The following ZNF761 variants were observed in gnomAD, a reference collection of about 807,000 sequenced individuals.
ZNF761 encodes zinc finger protein 761.
ZNF761 carries 43 observed loss-of-function variants against 59.9 expected under a neutral mutation model. The observed-to-expected ratio is 0.72, with a 90% CI of 0.56 to 0.92. ZNF761 has a LOEUF of 0.92. ZNF761 is among the 40% of genes least tolerant of loss of function. ZNF761 has a pLI of 0.00. For synonymous variants in ZNF761, 294 were observed against 304.8 expected, an observed-to-expected ratio of 0.96 and a Z score of 0.37; for missense variants, 850 against 906.1, an observed-to-expected ratio of 0.94 and a Z score of 0.79.
chr19:53,446,503 G>C (rs2086161300), intron 2 of ZNF761, among the ~76,000 whole-genome samples, 166 bp downstream of exon 2: 1 of 152,112 alleles, frequency 6.6e-6, no homozygotes, highest in African/African-American at 2.4e-5. Flanking sequence ...CACTTCCTGA[G>C]TAGCTGGGAT....
chr19:53,440,990 C>A (rs1467256724), intron 1 of ZNF761, among the ~76,000 whole-genome samples: 1 of 152,162 alleles, frequency 6.6e-6, no homozygotes, highest in Non-Finnish European at 1.5e-5. Flanking sequence ...TAGTACTTTT[C>A]AAAAGGGATA....
At chr19:53,454,513 C>T in intron 4 of ZNF761, 137 bp from the exon 5 acceptor site, 3 of 842,552 alleles carry the variant, frequency 3.6e-6, no homozygotes, top group Non-Finnish European at 5.2e-6. Context: ...GAATCTTATG[C>T]TTTTCTGTTC....
At chr19:53,434,137 C>T (rs910135696) in intron 1 of ZNF761, among the ~76,000 whole-genome samples, 16 of 152,142 alleles carry the variant, frequency 1.1e-4, no homozygotes, top group Middle Eastern at 3.4e-3. Flanking sequence ...GTTTATGATG[C>T]GGTTAAGTGT....
chr19:53,434,480 C>T (rs981757684), intron 1 of ZNF761, among the ~76,000 whole-genome samples: 2 of 152,118 alleles, frequency 1.3e-5, no homozygotes, highest in Non-Finnish European at 2.9e-5. Context: ...TTTGGAGCTT[C>T]AAGCTGATAC....
intron 2 of ZNF761, 76 bp from the exon 3 acceptor site, chr19:53,447,120 C>A (rs2086168657): frequency 1.0e-6 from 1 of 978,334 alleles, no homozygotes. Context: ...GTGAGGTCGC[C>A]TTTGTATGTG....
intron 1 of ZNF761, among the ~76,000 whole-genome samples, chr19:53,437,191 G>A (rs191704878): frequency 2.4e-4 from 37 of 152,000 alleles, no homozygotes; most frequent in Middle Eastern, 6.8e-3. Flanking sequence ...GTTGGCAGGC[G>A]CCTGTAATCC....
intron 4 of ZNF761, among the ~76,000 whole-genome samples, chr19:53,450,807 C>T (rs1411624184): frequency 6.6e-6 from 1 of 151,906 alleles, no homozygotes. Flanking sequence ...AACCAGCCTG[C>T]CTAACATGGC....
chr19:53,449,870 T>C, intron 4 of ZNF761: 1 of 952,154 alleles, frequency 1.1e-6, no homozygotes, highest in Admixed American at 3.1e-5. Flanking sequence ...TAGTTTGTTT[T>C]CTTTCCAGAC....
At chr19:53,452,108 G>T (rs1157524619) in intron 4 of ZNF761, among the ~76,000 whole-genome samples, 1 of 151,936 alleles carries the variant, frequency 6.6e-6, no homozygotes, top group African/African-American at 2.4e-5. Flanking sequence ...CAACAGTTTC[G>T]GATGCCAAGG....
intron 1 of ZNF761, chr19:53,444,912 C>A (rs1317384453): frequency 1.3e-5 from 2 of 152,244 alleles, no homozygotes; most frequent in Non-Finnish European, 2.9e-5. Flanking sequence ...ACTAGCAAGC[C>A]CTGCCTCAGC....
At chr19:53,433,317 C>G (rs936815858) in intron 1 of ZNF761, among the ~76,000 whole-genome samples, 21 of 151,818 alleles carry the variant, frequency 1.4e-4, no homozygotes, top group Non-Finnish European at 2.8e-4. Context: ...TTGTGTCCTT[C>G]CATAGCTGGT....
chr19:53,434,909 G>A (rs1404231679), intron 1 of ZNF761, among the ~76,000 whole-genome samples: 1 of 152,110 alleles, frequency 6.6e-6, no homozygotes, highest in Non-Finnish European at 1.5e-5. Context: ...GTAACTTCTG[G>A]TCTACATGCT....
chr19:53,443,034 C>G (rs2086116590), intron 1 of ZNF761: 1 of 286,144 alleles, frequency 3.5e-6, no homozygotes, highest in Non-Finnish European at 6.8e-6. Context: ...TAAATAGTTT[C>G]TGTTTGAAAC....
At position 53,456,381 on chromosome 19, in the gene ZNF761, G is replaced by C; in HGVS notation, c.1874G>C (p.Arg625Pro). The C allele has an allele frequency of 1.9e-6, 3 of 1,612,972 alleles. No individual in the cohort carries two copies. Among genetic ancestry groups the C allele is most frequent in the Non-Finnish European group, 2.5e-6 (3 of 1,179,778 alleles). Residue 625 changes from arginine (R) to proline (P), a missense_variant, in exon 5 of 5, where the codon CGT (arginine) becomes CCT (proline). Coordinates refer to ENST00000684525, the MANE Select transcript of ZNF761 (RefSeq NM_001289951.2). Reference protein sequence around the residue: ...FSRTSSLTCHRRLHTGEKPYK... With the variant: ...FSRTSSLTCHPRLHTGEKPYK... Reference sequence around the variant, plus strand: ...CGGACGTCATCCCTTACATGCCATCGTAGACTTCATACCGGAGAGAAACCT... The same window carrying C: ...CGGACGTCATCCCTTACATGCCATCCTAGACTTCATACCGGAGAGAAACCT...
At chr19:53,437,010 A>C (rs535508415) in intron 1 of ZNF761, among the ~76,000 whole-genome samples, 1 of 152,274 alleles carries the variant, frequency 6.6e-6, no homozygotes, top group African/African-American at 2.4e-5. Flanking sequence ...GCAGAGAGCC[A>C]CGGCACATAG....
At chr19:53,434,191 G>T (rs1568797468) in intron 1 of ZNF761, among the ~76,000 whole-genome samples, 1 of 152,166 alleles carries the variant, frequency 6.6e-6, no homozygotes. Flanking sequence ...TTGTGCCCAG[G>T]TAGCTGGCCT....
rs559877398 is a variant in ZNF761, at chr19:53,456,867, C to T, written c.*119C>T. On this transcript the variant is annotated 3_prime_UTR_variant, in exon 5 of 5. Coordinates refer to ENST00000684525, the MANE Select transcript of ZNF761 (RefSeq NM_001289951.2). Reference sequence around the variant, plus strand: ...TAAAGTTTACAGTGGCAAATCAAGCCTCAGAAGACAGGAGAATTCATACTG... The same window carrying T: ...TAAAGTTTACAGTGGCAAATCAAGCTTCAGAAGACAGGAGAATTCATACTG... 8.6e-7 allele frequency: 1 copy of T among 1,165,608 alleles called. No homozygotes were observed. Among genetic ancestry groups the T allele is most frequent in the South Asian group, 1.4e-5 (1 of 70,844 alleles). 72.2% of individuals were successfully genotyped at this position (1,165,608 alleles called of 1,614,324 possible).
intron 1 of ZNF761, among the ~76,000 whole-genome samples, chr19:53,435,595 G>T (rs969233488): frequency 3.3e-5 from 5 of 152,068 alleles, no homozygotes; most frequent in African/African-American, 1.2e-4. Context: ...GAGCAACTGT[G>T]CCTGGCCTTT....
In ZNF761 at chr19:53,454,631, C is replaced by T. The variant is rs375085830; in HGVS notation, c.143-19C>T. 1.7e-5 allele frequency: 27 copies of T among 1,556,132 alleles called. No individual in the cohort carries two copies. The highest frequency in any genetic ancestry group is 1.7e-4 in the Middle Eastern group (1 of 5,762). ...CATCTGTACTTAATTTGAAAGCTTT[C>T]GGTGTTTATGTTTTGTAGATATCTC... On this transcript the variant is annotated intron_variant, in intron 4 of 4. Coordinates refer to ENST00000684525, the MANE Select transcript of ZNF761 (RefSeq NM_001289951.2).
Sources: gnomAD v4.1 joint callset for allele counts (sites outside exome capture counted in the v4.1 genomes callset) on GRCh38, gnomAD v4.1.1 for gene constraint, MANE v1.5 for transcripts, NCBI Gene and HGNC (gene_info 2026-07-23, HGNC 2026-07-21) for gene names.